The following MTF1 variants were observed in gnomAD, a reference collection of about 807,000 sequenced individuals.
MTF1 encodes the protein MRE-binding transcription factor.
MTF1 carries 22 observed loss-of-function variants against 70.4 expected under a neutral mutation model. The observed-to-expected ratio is 0.31, with a 90% CI of 0.22 to 0.45. MTF1 has a LOEUF of 0.45. Ranked by LOEUF, MTF1 falls within the 20% of genes least tolerant of loss-of-function variation. MTF1 has a pLI of 1.00. For synonymous variants in MTF1, 333 were observed against 352.8 expected (o/e 0.94, Z 0.63); for missense variants, 649 against 922.0 (o/e 0.70, Z 3.83).
chr1:37,848,200 C>T (rs1641362173), intron 2 of MTF1, among the ~76,000 whole-genome samples: 1 of 152,130 alleles, frequency 6.6e-6, no homozygotes, highest in South Asian at 2.1e-4. Context: ...CTTCAAGAAC[C>T]ATGGGGGTCT....
intron 7 of MTF1, chr1:37,828,225 T>G (rs1470755813): frequency 1.4e-5 from 5 of 364,710 alleles, no homozygotes; most frequent in Non-Finnish European, 2.1e-5. Context: ...GTCAGAATAG[T>G]GGTTGTCTGC....
At chr1:37,832,431 A>G in intron 6 of MTF1, 109 bp from the exon 7 acceptor site, 1 of 689,048 alleles carries the variant, frequency 1.5e-6, no homozygotes, top group Admixed American at 2.7e-5. Flanking sequence ...ACATGTCTAC[A>G]TGTATTATCT....
chr1:37,812,517 A>G lies in MTF1; in HGVS notation c.*2619T>C, dbSNP rs888340566. On this transcript the variant is annotated 3_prime_UTR_variant, in exon 11 of 11. Coordinates refer to ENST00000373036, the MANE Select transcript of MTF1 (RefSeq NM_005955.3). ...TTCAACTGGAAAAATCTGTCAGCCT[A>G]AACACTGTTTAAGATGCTGCTTCGT... 1 of 152,226 alleles carries G rather than the reference A, an allele frequency of 6.6e-6. No homozygotes were observed. The highest frequency in any genetic ancestry group is 1.5e-5 in the Non-Finnish European group (1 of 68,052). 9.4% of individuals were successfully genotyped at this position (152,226 alleles called of 1,614,324 possible).
chr1:37,820,977 A>G (rs1431855808), intron 9 of MTF1, among the ~76,000 whole-genome samples: 3 of 152,136 alleles, frequency 2.0e-5, no homozygotes, highest in Non-Finnish European at 4.4e-5. Context: ...CTAGGAGTTC[A>G]AGACCAGTCT....
At chr1:37,847,083 T>C (rs1188033913) in intron 2 of MTF1, among the ~76,000 whole-genome samples, 1 of 152,196 alleles carries the variant, frequency 6.6e-6, no homozygotes, top group Non-Finnish European at 1.5e-5. Flanking sequence ...ATAAGAACCC[T>C]GAAGATCTCA....
rs1641517104 is a variant in MTF1, at chr1:37,857,553, C to T, written c.106G>A (p.Val36Met). 6.2e-7 allele frequency: 1 copy of T among 1,614,098 alleles called. No individual in the cohort carries two copies. The highest frequency in any genetic ancestry group is 1.7e-5 in the Admixed American group (1 of 59,996). Residue 36 changes from valine (V) to methionine (M), a missense_variant, in exon 2 of 11, where the codon GTG becomes ATG. By Grantham distance (21) the Val-to-Met change is conservative (BLOSUM62 1). Around this residue, in one of 7 missense-constraint regions of MTF1, gnomAD observed 9 missense variants for 33.6 expected, o/e 0.27. Transcript: ENST00000373036. ...MLRFVDKNGL[V>M]PSSSGTVYDR... is the part of the protein sequence containing the mutation. ...TAAACAGTTCCAGATGAGGAAGGCACCAGTCCGTTTTTATCCACAAACCTG... is the reference window on the plus strand; with the variant it reads ...TAAACAGTTCCAGATGAGGAAGGCATCAGTCCGTTTTTATCCACAAACCTG...
intron 2 of MTF1, among the ~76,000 whole-genome samples, chr1:37,848,389 T>C (rs982023744): frequency 6.6e-6 from 1 of 152,206 alleles, no homozygotes; most frequent in Non-Finnish European, 1.5e-5. Context: ...CAAGGCCACA[T>C]AGCTAGTACA....
chr1:37,813,367 T>A lies in MTF1; in HGVS notation c.*1769A>T, dbSNP rs1228895628. ...TAAGATTTCTTACTGCCATTTCTCC[T>A]CATGGCAGTAACAACATTCACCACC... is the stretch of plus-strand genomic sequence containing the variant. On this transcript the variant is annotated 3_prime_UTR_variant, in exon 11 of 11. Transcript: ENST00000373036. 1.3e-5 allele frequency: 2 copies of A among 152,222 alleles called. No homozygotes were observed. The highest frequency in any genetic ancestry group is 2.9e-5 in the Non-Finnish European group (2 of 68,042). 9.4% of individuals were successfully genotyped at this position (152,222 alleles called of 1,614,324 possible).
intron 7 of MTF1, among the ~76,000 whole-genome samples, chr1:37,827,622 A>G (rs1337332315): frequency 2.0e-5 from 3 of 151,860 alleles, no homozygotes; most frequent in African/African-American, 4.8e-5. Context: ...TCGGCCTCCC[A>G]AAGTGCTGGG....
At chr1:37,823,441 CAAAA>C (rs35582059) in intron 8 of MTF1, among the ~76,000 whole-genome samples, 1 of 147,090 alleles carries the variant, frequency 6.8e-6, no homozygotes, top group Non-Finnish European at 1.5e-5. Context: ...GACGCTGTCT[CAAAA>C]AAAAAAAAAT....
intron 2 of MTF1, among the ~76,000 whole-genome samples, chr1:37,846,219 GAAC>G (rs926590639): frequency 7.2e-5 from 11 of 152,002 alleles, no homozygotes; most frequent in Non-Finnish European, 1.2e-4. Flanking sequence ...AATCAGACAA[GAAC>G]AACATGGTTT....
intron 4 of MTF1, among the ~76,000 whole-genome samples, 180 bp downstream of exon 4, chr1:37,838,445 G>A (rs1557593986): frequency 6.6e-6 from 1 of 152,136 alleles, no homozygotes; most frequent in Non-Finnish European, 1.5e-5. Flanking sequence ...GGATGTTCTT[G>A]GACTCCATCA....
intron 3 of MTF1, 149 bp downstream of exon 3, chr1:37,839,771 C>G: frequency 1.5e-6 from 1 of 652,514 alleles, no homozygotes; most frequent in Non-Finnish European, 2.7e-6. Flanking sequence ...TTTCTGAGAT[C>G]TGGCAGAAAT....
At position 37,815,377 on chromosome 1, in the gene MTF1, G is replaced by A. The variant is rs754942605; in HGVS notation, c.2021C>T (p.Pro674Leu). 1.2e-6 allele frequency: 2 copies of A among 1,614,162 alleles called. No individual in the cohort carries two copies. The highest frequency in any genetic ancestry group is 1.7e-6 in the Non-Finnish European group (2 of 1,180,038). Residue 674 changes from proline to leucine, a missense_variant, in exon 11 of 11, where the codon CCA (proline) becomes CTA (leucine). Physicochemically the swap from Pro to Leu is moderately conservative, Grantham distance 98. Around this residue, in one of 7 missense-constraint regions of MTF1, gnomAD observed 138 missense variants for 134.4 expected, o/e 1.03. Coordinates refer to ENST00000373036, the MANE Select transcript of MTF1 (RefSeq NM_005955.3). The surrounding 1 kb of genome is among the most constrained non-coding windows in gnomAD (Gnocchi z 4.5). ...QAPDGPSLQLPAQTFSSAPVP... is the reference protein window; with the variant it reads ...QAPDGPSLQLLAQTFSSAPVP... ...AGGGGCTGAAGAGAAAGTCTGCGCT[G>A]GGAGCTGCAGGCTGGGCCCATCAGG...
In MTF1 at chr1:37,826,590, T is replaced by C. The variant is rs1443357015; in HGVS notation, c.1069-2778A>G. The C allele has an allele frequency of 8.8e-6, 4 of 454,538 alleles. No individual in the cohort carries two copies. In the East Asian group the frequency reaches 2.1e-4, roughly 24 times the overall value. 28.2% of individuals were successfully genotyped at this position (454,538 alleles called of 1,614,324 possible). ...CACCAGCTGATGATTCTCTTCTACG[T>C]CTATCAGCTGAAGGAGGGGAAATTC... On this transcript the variant is annotated intron_variant, in intron 7 of 10. Transcript: ENST00000373036.
chr1:37,858,216 T>C (rs1243507313), intron 1 of MTF1, among the ~76,000 whole-genome samples: 2 of 152,078 alleles, frequency 1.3e-5, no homozygotes, highest in Non-Finnish European at 1.5e-5. Flanking sequence ...CATTCAAATA[T>C]CCTCCAAATC....
Position 37,835,097 on chromosome 1 carries a change from T to C in MTF1, c.972A>G (p.Pro324=). Residue 324 remains proline, a synonymous_variant, in exon 6 of 11, where the codon CCA becomes CCG. Transcript: ENST00000373036. ...TACACACCTCTGATCCATTGTGTTG[T>C]GGAAGTGCATTGTATGAGTGTCCTT... ...DNKGHSYNAL[P]QHNGSEDTNH... 1 of 1,614,220 alleles carries C rather than the reference T, an allele frequency of 6.2e-7. No individual in the cohort carries two copies. The highest frequency in any genetic ancestry group is 2.2e-5 in the East Asian group (1 of 44,880).
chr1:37,832,226 G>C lies in MTF1; in HGVS notation c.1068+19C>G. ...TCTTGCCCTTATTTTTCTAGCACTG[G>C]TATTACAGGTACACTTACCGTACTG... On this transcript the variant is annotated intron_variant, in intron 7 of 10. Coordinates refer to ENST00000373036, the MANE Select transcript of MTF1 (RefSeq NM_005955.3). 1 of 1,545,036 alleles carries C rather than the reference G, an allele frequency of 6.5e-7. No homozygotes were observed. The highest frequency in any genetic ancestry group is 8.9e-7 in the Non-Finnish European group (1 of 1,118,528).
chr1:37,823,806 C>T lies in MTF1; in HGVS notation c.1075G>A (p.Gly359Ser), dbSNP rs1227633736. Residue 359 changes from glycine to serine, a missense_variant, in exon 8 of 11, where the codon GGC (glycine) becomes AGC (serine). Gly to Ser is a moderately conservative substitution (Grantham distance 56). Transcript: ENST00000373036. ...ELRENSSTTQ[G>S]QDLSTISPAI... ...GGTGAAATTGTGCTGAGGTCCTGGC[C>T]CTGGGTCTGATGGAGAGAGACAAAG... 2 of 1,613,372 alleles carry T rather than the reference C, an allele frequency of 1.2e-6. No individual in the cohort carries two copies. Among genetic ancestry groups the T allele is most frequent in the Non-Finnish European group, 1.7e-6 (2 of 1,179,612 alleles).
Sources: allele counts gnomAD v4.1 joint callset (sites outside exome capture counted in the v4.1 genomes callset), GRCh38; gene constraint gnomAD v4.1.1; regional missense constraint gnomAD v4.1.1; non-coding constraint Gnocchi (gnomAD v3.1); transcripts MANE v1.5; gene names NCBI Gene and HGNC (gene_info 2026-07-23, HGNC 2026-07-21).